SLC17A1: variants seen among roughly 807,000 people sequenced by gnomAD.
The protein encoded by SLC17A1 is solute carrier family 17 member 1.
A neutral mutation model predicts 53.5 loss-of-function variants in SLC17A1; 51 were observed. That is an observed-to-expected ratio of 0.95 (90% CI 0.76 to 1.20). The LOEUF is 1.20. SLC17A1 is among the 50% of genes most tolerant of loss of function. The probability of loss-of-function intolerance (pLI) is 0.00; values close to 1 mark genes in which losing one functional copy is unlikely to be tolerated. For synonymous variants in SLC17A1, 179 were observed against 198.8 expected (o/e 0.90, Z 0.84); for missense variants, 538 against 568.2 (o/e 0.95, Z 0.54).
At chr6:25,806,842 T>C (rs1443924421) in intron 10 of SLC17A1, among the ~76,000 whole-genome samples, 7 of 151,486 alleles carry the variant, frequency 4.6e-5, no homozygotes, top group Admixed American at 2.6e-4. Context: ...AAAAACATAA[T>C]CTCATCAAAA....
chr6:25,768,942 A>G, the SLC17A1 span: 1 of 1,574,836 alleles, frequency 6.3e-7, no homozygotes, highest in Non-Finnish European at 8.7e-7. Context: ...AGAGTGGGAG[A>G]AAAGCATTCT....
intron 12 of SLC17A1, among the ~76,000 whole-genome samples, chr6:25,784,274 G>A (rs1183168610): frequency 3.3e-5 from 5 of 152,062 alleles, no homozygotes; most frequent in Non-Finnish European, 5.9e-5. Context: ...TTATCCTAGG[G>A]AGACAATATG....
downstream of SLC17A1, among the ~76,000 whole-genome samples, chr6:25,782,106 C>G (rs1763280081): frequency 6.6e-6 from 1 of 152,192 alleles, no homozygotes; most frequent in South Asian, 2.1e-4. Context: ...GGTGTGAGGA[C>G]AGCTCCTGCC....
intron 11 of SLC17A1, among the ~76,000 whole-genome samples, chr6:25,799,337 TTTG>T (rs1763685287): frequency 6.6e-6 from 1 of 152,226 alleles, no homozygotes; most frequent in East Asian, 1.9e-4. Context: ...TAACTATTAT[TTTG>T]TTAAGATTTA....
chr6:25,778,027 A>G, downstream of SLC17A1: 2 of 1,490,816 alleles, frequency 1.3e-6, no homozygotes, highest in South Asian at 2.3e-5. Flanking sequence ...GTGAGGTCAA[A>G]TGTTCTGATG....
At chr6:25,772,267 T>A in the SLC17A1 span, among the ~76,000 whole-genome samples, 1 of 152,186 alleles carries the variant, frequency 6.6e-6, no homozygotes, top group Non-Finnish European at 1.5e-5. Context: ...ACTCACTAAA[T>A]ATTTGTTGAA....
At chr6:25,731,733 C>A in the SLC17A1 span, 4 of 1,314,878 alleles carry the variant, frequency 3.0e-6, no homozygotes, top group Non-Finnish European at 4.2e-6. Context: ...TTCATTGGCT[C>A]TTAAAAGAGC....
At chr6:25,777,911 A>G in the SLC17A1 span, 6 of 1,584,606 alleles carry the variant, frequency 3.8e-6, no homozygotes, top group Non-Finnish European at 5.2e-6. Context: ...ATAGAGTACC[A>G]TCTCTCTCTC....
chr6:25,815,439 C>T (rs1561837876), intron 6 of SLC17A1, among the ~76,000 whole-genome samples: 2 of 151,816 alleles, frequency 1.3e-5, no homozygotes, highest in African/African-American at 4.8e-5. Flanking sequence ...TTTAAGAAAA[C>T]GGGAATGAAG....
the SLC17A1 span, among the ~76,000 whole-genome samples, chr6:25,744,467 A>G: frequency 6.6e-6 from 1 of 152,204 alleles, no homozygotes; most frequent in African/African-American, 2.4e-5. Flanking sequence ...CTTACTCACA[A>G]GGACCAATTA....
At position 25,802,935 on chromosome 6, in the gene SLC17A1, C is replaced by CTTTTTTTTTTTTT. The variant is rs34669145; in HGVS notation, c.1179-1968_1179-1956dup. ...ATGACGTTTTAACGACTATCTTCTT[C>CTTTTTTTTTTTTT]TTTTTTTTTTTTTTTTTTTTTTTTT... On this transcript the variant is annotated intron_variant, in intron 10 of 12. Transcript: ENST00000244527. Among the ~76,000 whole-genome samples the CTTTTTTTTTTTTT allele has an allele frequency of 8.7e-4, 40 of 46,098 alleles. 4 individuals carry two copies. The highest frequency in any genetic ancestry group is 3.0e-3 in the African/African-American group (33 of 11,110). 30.2% of individuals were successfully genotyped at this position (46,098 alleles called of 152,430 possible).
At position 25,818,482 on chromosome 6, in the gene SLC17A1, A is replaced by T. The variant is rs150932588; in HGVS notation, c.616+586T>A. Among the ~76,000 whole-genome samples, 32 of 152,302 alleles carry T rather than the reference A, an allele frequency of 2.1e-4. No individual in the cohort carries two copies. The East Asian group carries it at 6.0e-3, about 28-fold the overall frequency. ...AAATTCTTCCAATTTTGCCTTAAGT[A>T]TATGACTTTGATCAAGTTACCTAAG... On this transcript the variant is annotated intron_variant, in intron 6 of 12. Transcript: ENST00000244527.
At chr6:25,770,337 G>T in the SLC17A1 span, 7 of 1,613,424 alleles carry the variant, frequency 4.3e-6, no homozygotes, top group Non-Finnish European at 5.1e-6. Flanking sequence ...TGGAATATAG[G>T]TTCCAGAATG....
chr6:25,829,208 C>T (rs78980365), intron 2 of SLC17A1, among the ~76,000 whole-genome samples: 1 of 151,944 alleles, frequency 6.6e-6, no homozygotes, highest in Admixed American at 6.6e-5. Flanking sequence ...AATCAAATAC[C>T]AAGGTCCTAG....
intron 12 of SLC17A1, among the ~76,000 whole-genome samples, chr6:25,792,022 A>G (rs1165157): frequency 0.38 from 58,242 of 152,084 alleles, 12,007 homozygotes; most frequent in East Asian, 0.7. Context: ...CTTCAAGCCA[A>G]TTCTTCAAGA....
At chr6:25,726,561 A>T in the SLC17A1 span, 1 of 1,583,192 alleles carries the variant, frequency 6.3e-7, no homozygotes, top group Non-Finnish European at 8.6e-7. Context: ...CACGAGAACC[A>T]CATTTCTAGG....
At chr6:25,757,332 C>A in the SLC17A1 span, among the ~76,000 whole-genome samples, 1 of 152,116 alleles carries the variant, frequency 6.6e-6, no homozygotes, top group Non-Finnish European at 1.5e-5. Flanking sequence ...ATTTCACCAG[C>A]ACCTACTGCT....
At chr6:25,726,852 A>C in the SLC17A1 span, 1 of 1,545,688 alleles carries the variant, frequency 6.5e-7, no homozygotes, top group Admixed American at 2.0e-5. Context: ...GAGCACTGGA[A>C]AGTGCTGTGT....
chr6:25,734,478 C>T, the SLC17A1 span, among the ~76,000 whole-genome samples: 7 of 152,080 alleles, frequency 4.6e-5, no homozygotes, highest in Non-Finnish European at 8.8e-5. Context: ...AAATCTACAG[C>T]TAACGAAATG....
Sources: gnomAD v4.1 joint callset for allele counts (sites outside exome capture counted in the v4.1 genomes callset) on GRCh38, gnomAD v4.1.1 for gene constraint, MANE v1.5 for transcripts, NCBI Gene and HGNC (gene_info 2026-07-23, HGNC 2026-07-21) for gene names.